PCDHA4: variants seen among roughly 807,000 people sequenced by gnomAD.
PCDHA4 encodes protocadherin alpha 4.
Under a neutral mutation model 61.4 loss-of-function variants are expected in PCDHA4, and 49 were observed. That is an observed-to-expected ratio of 0.80 (90% CI 0.63 to 1.01). The LOEUF (loss-of-function observed/expected upper bound fraction) is 1.01. Among genes scored for constraint, PCDHA4 ranks in the 50% least tolerant of loss-of-function variants. The pLI is 0.00. For missense variants in PCDHA4, 1,254 were observed against 1,235.8 expected, an observed-to-expected ratio of 1.01 and a Z score of -0.22; for synonymous variants, 590 against 550.3, an observed-to-expected ratio of 1.07 and a Z score of -1.01.
chr5:140,898,147 C>G (rs2066556304), intron 1 of PCDHA4, among the ~76,000 whole-genome samples: 1 of 152,150 alleles, frequency 6.6e-6, no homozygotes, highest in Non-Finnish European at 1.5e-5. Context: ...GTTGCCTGTT[C>G]ACGCTGATGG....
rs2150116871 is a variant in PCDHA4, at chr5:140,822,504, A to G, written c.2385+12932A>G. On this transcript the variant is annotated intron_variant, in intron 1 of 3. Transcript: ENST00000530339. ...ATGATAACGCCCCAGAATTTGATAA[A>G]TCCATTTATAATGTCAGATTGTTGG... 4 of 1,613,934 alleles carry G rather than the reference A, an allele frequency of 2.5e-6. No individual in the cohort carries two copies. The South Asian group carries it at 4.4e-5, about 18-fold the overall frequency.
At chr5:140,891,819 G>C (rs1282245838) in intron 1 of PCDHA4, among the ~76,000 whole-genome samples, 3 of 152,098 alleles carry the variant, frequency 2.0e-5, no homozygotes, top group African/African-American at 7.2e-5. Context: ...ATAAATTAAC[G>C]GCACTGTAAA....
At chr5:140,825,237 C>T (rs1262256044) in intron 1 of PCDHA4, 3 of 151,300 alleles carry the variant, frequency 2.0e-5, no homozygotes, top group Admixed American at 6.6e-5. Context: ...TTATCTGGAT[C>T]TATGGTGTTC....
chr5:140,835,568 C>G lies in PCDHA4; in HGVS notation c.2385+25996C>G, dbSNP rs2150238425. ...GCTCCCTGACGCCCCGCGTTCCCTT[C>G]AAGTTGGTGTCCACCTTCAAGAATT... On this transcript the variant is annotated intron_variant, in intron 1 of 3. Coordinates refer to ENST00000530339, the MANE Select transcript of PCDHA4 (RefSeq NM_018907.4). 2.5e-6 allele frequency: 4 copies of G among 1,613,812 alleles called. No homozygotes were observed. The highest frequency in any genetic ancestry group is 3.4e-6 in the Non-Finnish European group (4 of 1,179,876).
Position 140,825,402 on chromosome 5 carries a change from ATATATTT to A in PCDHA4, c.2385+15836_2385+15842del, listed in dbSNP as rs1255200035. 3 of 146,358 alleles carry A rather than the reference ATATATTT, an allele frequency of 2.0e-5. No homozygotes were observed. In the East Asian group the frequency reaches 5.8e-4, roughly 28 times the overall value. 9.1% of individuals were successfully genotyped at this position (146,358 alleles called of 1,614,324 possible). A position where few individuals can be genotyped will look rare whatever the true frequency, so the allele number is the denominator to read the frequency against. On this transcript the variant is annotated intron_variant, in intron 1 of 3. Transcript: ENST00000530339. The stretch of plus-strand genomic sequence containing the variant: ...ATATCTAATATATATCTAATATATT[ATATATTT>A]TATATAATATATATAATAAATATAT...
chr5:141,002,336 C>A (rs1236741058), intron 3 of PCDHA4, among the ~76,000 whole-genome samples: 3 of 152,084 alleles, frequency 2.0e-5, no homozygotes, highest in Non-Finnish European at 2.9e-5. Flanking sequence ...TGCATCCGCA[C>A]CCCTTCCCCC....
intron 1 of PCDHA4, chr5:140,930,569 A>G (rs1448447791): frequency 6.6e-6 from 1 of 152,542 alleles, no homozygotes; most frequent in Non-Finnish European, 1.5e-5. Flanking sequence ...AAGCAATTCT[A>G]CGGTATTACT....
At chr5:140,931,189 C>A (rs2087353658) in intron 1 of PCDHA4, among the ~76,000 whole-genome samples, 1 of 152,112 alleles carries the variant, frequency 6.6e-6, no homozygotes, top group Non-Finnish European at 1.5e-5. Flanking sequence ...GAAATTGGTG[C>A]ACTACAATGC....
At chr5:140,819,899 A>T (rs1188836600) in intron 1 of PCDHA4, among the ~76,000 whole-genome samples, 1 of 152,028 alleles carries the variant, frequency 6.6e-6, no homozygotes, top group Non-Finnish European at 1.5e-5. Context: ...TCTGCAGATT[A>T]CAATGTACAC....
chr5:140,822,808 A>C lies in PCDHA4; in HGVS notation c.2385+13236A>C, dbSNP rs1554128906. On this transcript the variant is annotated intron_variant, in intron 1 of 3. Transcript: ENST00000530339. The stretch of plus-strand genomic sequence containing the variant: ...AGTGAAACTCCTGGATGTGAATGAT[A>C]ATACCCCAGAGATGGCCATAACCAC... The C allele has an allele frequency of 4.3e-6, 7 of 1,614,072 alleles. No homozygotes were observed. The African/African-American group carries it at 9.3e-5, about 22-fold the overall frequency.
At chr5:140,852,353 C>A (rs1349870360) in intron 1 of PCDHA4, 2 of 209,384 alleles carry the variant, frequency 9.6e-6, no homozygotes, top group African/African-American at 4.8e-5. Flanking sequence ...TCTTGGCTCA[C>A]TGCAACGTCT....
At chr5:140,892,120 A>G (rs1242162429) in intron 1 of PCDHA4, among the ~76,000 whole-genome samples, 1 of 152,216 alleles carries the variant, frequency 6.6e-6, no homozygotes, top group Non-Finnish European at 1.5e-5. Context: ...TATATCTGGA[A>G]CACAATAAGC....
chr5:140,927,720 G>T lies in PCDHA4; in HGVS notation c.2386-51229G>T. The T allele has an allele frequency of 3.1e-6, 5 of 1,614,174 alleles. No homozygotes were observed. The Middle Eastern group carries it at 4.9e-4, about 160-fold the overall frequency. On this transcript the variant is annotated intron_variant, in intron 1 of 3. Coordinates refer to ENST00000530339, the MANE Select transcript of PCDHA4 (RefSeq NM_018907.4). ...TCCAGTACTCCCTAAGCAACAGCACGCAAGCAGAGCTGCGACACCGCTTTC... is the reference window on the plus strand; with the variant it reads ...TCCAGTACTCCCTAAGCAACAGCACTCAAGCAGAGCTGCGACACCGCTTTC...
chr5:140,966,561 G>C (rs2153747879), intron 1 of PCDHA4: 1 of 488,962 alleles, frequency 2.0e-6, no homozygotes, highest in Non-Finnish European at 3.4e-6. Context: ...GGAGGAGCTG[G>C]AATATGGGGA....
chr5:140,914,528 A>G (rs1333576504), intron 1 of PCDHA4, among the ~76,000 whole-genome samples: 2 of 152,114 alleles, frequency 1.3e-5, no homozygotes, highest in African/African-American at 4.8e-5. Flanking sequence ...TCATCCATTC[A>G]GCCACTTTAT....
intron 1 of PCDHA4, chr5:140,861,213 A>C: frequency 6.0e-6 from 1 of 166,518 alleles, no homozygotes; most frequent in Non-Finnish European, 1.3e-5. Flanking sequence ...ACTAACCAAA[A>C]GAGAGGCATA....
At chr5:140,855,946 A>G in intron 1 of PCDHA4, 4 of 1,354,082 alleles carry the variant, frequency 3.0e-6, no homozygotes, top group Non-Finnish European at 4.0e-6. Flanking sequence ...GATCTCAGCC[A>G]TTTCGATAAA....
intron 1 of PCDHA4, chr5:140,823,577 G>A (rs1389760827): frequency 6.2e-7 from 1 of 1,613,854 alleles, no homozygotes; most frequent in Non-Finnish European, 8.5e-7. Context: ...CCTGATTCGG[G>A]CTACAACGCT....
chr5:140,830,088 T>C, intron 1 of PCDHA4: 13 of 1,613,512 alleles, frequency 8.1e-6, no homozygotes, highest in Non-Finnish European at 1.1e-5. Flanking sequence ...GCCACGGTTC[T>C]GGTGTCGCTG....
Sources: allele counts gnomAD v4.1 joint callset (sites outside exome capture counted in the v4.1 genomes callset), GRCh38; gene constraint gnomAD v4.1.1; transcripts MANE v1.5; gene names NCBI Gene and HGNC (gene_info 2026-07-23, HGNC 2026-07-21).